Variants in TMPRSS11A observed in about 807,000 individuals in gnomAD.
The protein encoded by TMPRSS11A is transmembrane serine protease 11A.
A neutral mutation model predicts 58.9 loss-of-function variants in TMPRSS11A; 53 were observed. The ratio of observed to expected loss-of-function variants is 0.90; its 90% CI spans 0.72 to 1.13. TMPRSS11A has a LOEUF of 1.13. Ranked by LOEUF, TMPRSS11A falls within the 50% of genes most tolerant of loss-of-function variation. The pLI is 0.00. For missense variants in TMPRSS11A, 493 were observed against 499.3 expected (o/e 0.99, Z 0.12); for synonymous variants, 167 against 169.8 (o/e 0.98, Z 0.13).
intron 8 of TMPRSS11A, among the ~76,000 whole-genome samples, chr4:67,917,635 C>A (rs1287488181): frequency 1.3e-5 from 2 of 152,116 alleles, no homozygotes; most frequent in African/African-American, 4.8e-5. Flanking sequence ...GGGTCACTCA[C>A]CAAGAGAGGC....
At chr4:67,940,864 C>G (rs1720865415) in intron 3 of TMPRSS11A, among the ~76,000 whole-genome samples, 1 of 152,204 alleles carries the variant, frequency 6.6e-6, no homozygotes, top group African/African-American at 2.4e-5. Context: ...GTGACTTCCC[C>G]TAGAACTTAT....
intron 3 of TMPRSS11A, among the ~76,000 whole-genome samples, chr4:67,942,982 A>G (rs1053468497): frequency 6.6e-6 from 1 of 152,214 alleles, no homozygotes; most frequent in African/African-American, 2.4e-5. Context: ...ATATTTTTGT[A>G]AGAATGAATA....
At chr4:67,962,976 C>T (rs1721473441) in intron 1 of TMPRSS11A, among the ~76,000 whole-genome samples, 1 of 152,122 alleles carries the variant, frequency 6.6e-6, no homozygotes, top group Non-Finnish European at 1.5e-5. Flanking sequence ...CCATAAGGGA[C>T]AAGTAAACAC....
chr4:67,912,557 T>C (rs948834864), intron 9 of TMPRSS11A, among the ~76,000 whole-genome samples: 1 of 152,192 alleles, frequency 6.6e-6, no homozygotes. Context: ...TCATTGCTTG[T>C]CTAAACTTCT....
At chr4:67,950,912 G>T (rs1389037748) in intron 1 of TMPRSS11A, among the ~76,000 whole-genome samples, 6 of 152,232 alleles carry the variant, frequency 3.9e-5, no homozygotes, top group Non-Finnish European at 7.3e-5. Flanking sequence ...AGTCTTTGGG[G>T]ATGTAAAGGT....
chr4:67,920,549 A>ATATATATT (rs371252656), intron 7 of TMPRSS11A, among the ~76,000 whole-genome samples: 21 of 130,900 alleles, frequency 1.6e-4, no homozygotes, highest in African/African-American at 3.4e-4. Context: ...ATATATATAT[A>ATATATATT]TTTTTTTTTA....
At chr4:67,916,053 C>T (rs1290401474) in intron 8 of TMPRSS11A, among the ~76,000 whole-genome samples, 9 of 152,118 alleles carry the variant, frequency 5.9e-5, no homozygotes, top group Non-Finnish European at 7.4e-5. Flanking sequence ...AACTCCTTCC[C>T]CTGTAAAGAC....
At chr4:67,915,115 C>G (rs1309606690) in intron 8 of TMPRSS11A, among the ~76,000 whole-genome samples, 1 of 152,046 alleles carries the variant, frequency 6.6e-6, no homozygotes, top group Admixed American at 6.6e-5. Context: ...GATAAAATGC[C>G]TATAATACTA....
Position 67,925,844 on chromosome 4 carries a change from GA to G in TMPRSS11A, c.482-1679del, listed in dbSNP as rs368862624. 2.2e-4 allele frequency among the ~76,000 whole-genome samples: 33 copies of G among 152,302 alleles called. No individual in the cohort carries two copies. The South Asian group carries it at 4.3e-3, about 20-fold the overall frequency. On this transcript the variant is annotated intron_variant, in intron 5 of 9. Coordinates refer to ENST00000508048, the MANE Select transcript of TMPRSS11A (RefSeq NM_001114387.2). The stretch of plus-strand genomic sequence containing the variant: ...TAGCCATTTCCAGGAATGATACCAG[GA>G]TAAGTATAATGGTCGTGAATATAAC...
At chr4:67,955,502 T>C (rs1033834263) in intron 1 of TMPRSS11A, among the ~76,000 whole-genome samples, 2 of 152,216 alleles carry the variant, frequency 1.3e-5, no homozygotes, top group Non-Finnish European at 2.9e-5. Context: ...AGGAATTGTT[T>C]GTATTCAAAT....
chr4:67,919,383 T>C, intron 7 of TMPRSS11A, 151 bp from the exon 8 acceptor site: 1 of 679,400 alleles, frequency 1.5e-6, no homozygotes, highest in East Asian at 2.7e-5. Flanking sequence ...ATATAATCTA[T>C]TGCTAATGTT....
chr4:67,947,465 G>C (rs1721049546), intron 1 of TMPRSS11A, among the ~76,000 whole-genome samples: 1 of 152,054 alleles, frequency 6.6e-6, no homozygotes, highest in Non-Finnish European at 1.5e-5. Flanking sequence ...TTACTTTCTG[G>C]ACTTGTCTGA....
At chr4:67,963,313 C>G (rs374715232) in intron 1 of TMPRSS11A, 70 bp downstream of exon 1, 3 of 1,549,886 alleles carry the variant, frequency 1.9e-6, no homozygotes, top group Non-Finnish European at 2.7e-6. Flanking sequence ...AGTCCTCTTA[C>G]ACATCAGGAA....
chr4:67,941,769 C>T (rs1241095087), intron 3 of TMPRSS11A, among the ~76,000 whole-genome samples: 1 of 152,094 alleles, frequency 6.6e-6, no homozygotes, highest in Non-Finnish European at 1.5e-5. Context: ...AAAGATAAAA[C>T]TATAAGGTTA....
chr4:67,945,705 A>G (rs1720986896), intron 2 of TMPRSS11A, among the ~76,000 whole-genome samples: 1 of 152,176 alleles, frequency 6.6e-6, no homozygotes, highest in African/African-American at 2.4e-5. Flanking sequence ...TAAGAGCGTT[A>G]AAGTGAGCAG....
chr4:67,945,524 C>T (rs1720982251), intron 2 of TMPRSS11A, among the ~76,000 whole-genome samples: 1 of 152,194 alleles, frequency 6.6e-6, no homozygotes, highest in Admixed American at 6.5e-5. Flanking sequence ...ACCTTACTCT[C>T]ATTGTAAAGA....
intron 9 of TMPRSS11A, 59 bp from the exon 10 acceptor site, chr4:67,911,562 T>TC: frequency 7.1e-7 from 1 of 1,405,364 alleles, no homozygotes; most frequent in Non-Finnish European, 9.8e-7. Context: ...AGCTCATTAT[T>TC]TAAGATATTT....
chr4:67,911,102 G>T lies in TMPRSS11A; in HGVS notation c.*240C>A. 2.8e-6 allele frequency: 1 copy of T among 360,066 alleles called. No homozygotes were observed. Among genetic ancestry groups the T allele is most frequent in the Non-Finnish European group, 5.0e-6 (1 of 198,362 alleles). 22.3% of individuals were successfully genotyped at this position (360,066 alleles called of 1,614,324 possible). On this transcript the variant is annotated 3_prime_UTR_variant, in exon 10 of 10. Transcript: ENST00000508048. Reference sequence around the variant, plus strand: ...TACTTCAACATTCGTGATTTAAAGAGCTAAGTATCTCTACCGTATTTTTCA... The same window carrying T: ...TACTTCAACATTCGTGATTTAAAGATCTAAGTATCTCTACCGTATTTTTCA...
intron 1 of TMPRSS11A, among the ~76,000 whole-genome samples, chr4:67,950,901 C>A (rs1259428840): frequency 1.3e-5 from 2 of 152,190 alleles, no homozygotes; most frequent in African/African-American, 2.4e-5. Flanking sequence ...TGGCACTCTG[C>A]AGTCTTTGGG....
Sources: gnomAD v4.1 joint callset for allele counts (sites outside exome capture counted in the v4.1 genomes callset) on GRCh38, gnomAD v4.1.1 for gene constraint, MANE v1.5 for transcripts, NCBI Gene and HGNC (gene_info 2026-07-23, HGNC 2026-07-21) for gene names.